The following DOCK10 variants were observed in gnomAD, a reference collection of about 807,000 sequenced individuals.
The protein encoded by DOCK10 is dedicator of cytokinesis protein 10.
In DOCK10, 145 loss-of-function variants were observed where a neutral mutation model predicts 280.1. That is an observed-to-expected ratio of 0.52 (90% CI 0.45 to 0.59). The LOEUF (loss-of-function observed/expected upper bound fraction) is 0.59. Ranked by LOEUF, DOCK10 falls within the 20% of genes least tolerant of loss-of-function variation. The pLI is 0.00. For synonymous variants in DOCK10, 915 were observed against 942.2 expected, an observed-to-expected ratio of 0.97 and a Z score of 0.53; for missense variants, 2,368 against 2,651.7, an observed-to-expected ratio of 0.89 and a Z score of 2.35.
At position 224,774,906 on chromosome 2, in the gene DOCK10, T is replaced by G. The variant is rs1437421803; in HGVS notation, c.6012A>C (p.Thr2004=). Reference sequence around the variant, plus strand: ...TGTGGCCCGGCTACCTGCACCTACTTGTCAGGATCGTCCGCCGCTTGCACT... The same window carrying G: ...TGTGGCCCGGCTACCTGCACCTACTGGTCAGGATCGTCCGCCGCTTGCACT... ...AEQCKRRTIL[T]TSHLFPYVKK... Residue 2004 remains threonine (T), a splice_region_variant and synonymous_variant, in exon 52 of 56, where the codon ACA becomes ACC. Transcript: ENST00000258390. 1 of 1,586,336 alleles carries G rather than the reference T, an allele frequency of 6.3e-7. No homozygotes were observed. Among genetic ancestry groups the G allele is most frequent in the African/African-American group, 1.3e-5 (1 of 74,372 alleles).
At position 224,787,050 on chromosome 2, in the gene DOCK10, C is replaced by T. The variant is rs767134753; in HGVS notation, c.5627G>A (p.Arg1876His). Reference sequence around the variant, plus strand: ...CCCATAAAATGCCACACGATAGTAGCGACCAAACAGCCGCTTCTCCGAATT... The same window carrying T: ...CCCATAAAATGCCACACGATAGTAGTGACCAAACAGCCGCTTCTCCGAATT... The part of the protein sequence containing the change: ...VVNSEKRLFG[R>H]YYRVAFYGQG... Residue 1876 changes from arginine to histidine, a missense_variant, in exon 50 of 56, where the codon CGC becomes CAC. Arg to His is a conservative substitution (Grantham distance 29). Transcript: ENST00000258390. 1.6e-5 allele frequency: 26 copies of T among 1,613,828 alleles called. No individual in the cohort carries two copies. The highest frequency in any genetic ancestry group is 3.3e-5 in the Admixed American group (2 of 59,998).
chr2:224,961,441 T>TC (rs1553623667), intron 1 of DOCK10, among the ~76,000 whole-genome samples: 1 of 131,216 alleles, frequency 7.6e-6, no homozygotes, highest in Non-Finnish European at 1.6e-5. Flanking sequence ...TTTCTTTCTT[T>TC]CTTTCTTTCT....
intron 1 of DOCK10, among the ~76,000 whole-genome samples, chr2:224,969,823 C>T (rs16866399): frequency 0.088 from 13,372 of 152,160 alleles, 1,912 homozygotes; most frequent in African/African-American, 0.3. Flanking sequence ...TTTAGAGTGA[C>T]AGAAAAGCAG....
At chr2:225,017,650 G>A (rs1375382772) in intron 1 of DOCK10, among the ~76,000 whole-genome samples, 1 of 149,004 alleles carries the variant, frequency 6.7e-6, no homozygotes, top group Non-Finnish European at 1.5e-5. Flanking sequence ...AAAAAAAAAT[G>A]TGGATAGAAC....
chr2:225,040,904 CGCTGATAGCAGTACCACATGCT>C (rs1404911497), intron 1 of DOCK10, among the ~76,000 whole-genome samples: 1 of 152,148 alleles, frequency 6.6e-6, no homozygotes, highest in African/African-American at 2.4e-5. Flanking sequence ...AAAATGTGCA[CGCTGATAGCAGTACCACATGCT>C]GTCCCTGGCA....
At chr2:224,856,109 G>A (rs139124833) in intron 15 of DOCK10, among the ~76,000 whole-genome samples, 4 of 152,248 alleles carry the variant, frequency 2.6e-5, no homozygotes, top group East Asian at 1.9e-4. Context: ...GTAGAAGTCC[G>A]TTGTTTCCTT....
At chr2:224,975,086 T>G (rs1705355438) in intron 1 of DOCK10, among the ~76,000 whole-genome samples, 1 of 151,956 alleles carries the variant, frequency 6.6e-6, no homozygotes, top group South Asian at 2.1e-4. Flanking sequence ...TCTAATCATT[T>G]CTAAATTTGG....
At chr2:225,021,990 A>T (rs957271826) in intron 1 of DOCK10, among the ~76,000 whole-genome samples, 2 of 152,334 alleles carry the variant, frequency 1.3e-5, no homozygotes, top group East Asian at 3.9e-4. Context: ...ACTTCTGGAG[A>T]AATTGCTTTT....
chr2:224,860,644 C>T (rs1697443462), intron 14 of DOCK10: 1 of 151,862 alleles, frequency 6.6e-6, no homozygotes, highest in South Asian at 2.1e-4. Flanking sequence ...TTCATTGCAA[C>T]TTCCAGCTTC....
At chr2:224,848,656 C>A (rs1696524116) in intron 19 of DOCK10, among the ~76,000 whole-genome samples, 2 of 152,162 alleles carry the variant, frequency 1.3e-5, no homozygotes, top group Admixed American at 1.3e-4. Flanking sequence ...ATGATGTGTG[C>A]ATGGAATTTA....
intron 14 of DOCK10, 48 bp downstream of exon 14, chr2:224,862,616 C>A (rs771890557): frequency 6.7e-7 from 1 of 1,486,892 alleles, no homozygotes; most frequent in Non-Finnish European, 9.4e-7. Context: ...GCTTCCAATG[C>A]CACCATTAAA....
rs754278784 is a variant in DOCK10, at chr2:224,765,775, G to A, written c.6507C>T (p.Ser2169=). The change falls in exon 56 of 56, where the codon AGC becomes AGT. Residue 2169 remains serine (S), a synonymous_variant. Transcript: ENST00000258390. ...CCGTGGGTAGGGCCGGAGTTGCTTT[G>A]CTAATTACTCGAGTGCAGGTTTGGT... ...GVDQTCTRVI[S]KATPALPTVS... is the part of the protein sequence containing the mutation. The A allele has an allele frequency of 6.2e-7, 1 of 1,613,882 alleles. No homozygotes were observed. The highest frequency in any genetic ancestry group is 1.3e-5 in the African/African-American group (1 of 75,006).
At chr2:224,974,741 G>C (rs1236122755) in intron 1 of DOCK10, among the ~76,000 whole-genome samples, 1 of 120,692 alleles carries the variant, frequency 8.3e-6, no homozygotes, top group African/African-American at 2.6e-5. Context: ...CATCTCCACA[G>C]TATGATTTCC....
intron 23 of DOCK10, 178 bp from the exon 24 acceptor site, chr2:224,840,250 G>A: frequency 2.0e-6 from 1 of 496,492 alleles, no homozygotes; most frequent in Non-Finnish European, 3.6e-6. Context: ...AGTGAAAACA[G>A]ACAAATGGCA....
At chr2:224,850,350 C>A (rs940921389) in intron 18 of DOCK10, among the ~76,000 whole-genome samples, 6 of 152,090 alleles carry the variant, frequency 3.9e-5, no homozygotes, top group Non-Finnish European at 7.3e-5. Flanking sequence ...ATCCCAAATA[C>A]ACTGTTGAAG....
At chr2:224,845,419 C>A in intron 20 of DOCK10, 95 bp from the exon 21 acceptor site, 1 of 1,536,088 alleles carries the variant, frequency 6.5e-7, no homozygotes, top group Non-Finnish European at 8.8e-7. Flanking sequence ...CACTAAATTT[C>A]ATGAAAAATA....
Position 224,872,235 on chromosome 2 carries a change from A to G in DOCK10, c.1257+1761T>C, listed in dbSNP as rs964887880. 2.0e-5 allele frequency among the ~76,000 whole-genome samples: 3 copies of G among 152,274 alleles called. No individual in the cohort carries two copies. In the East Asian group the frequency reaches 5.8e-4, roughly 29 times the overall value. ...TTGCATGCAGTTTTGATAAATTTCAATGCAATTTCTCACATATTTAGATGA... is the reference window on the plus strand; with the variant it reads ...TTGCATGCAGTTTTGATAAATTTCAGTGCAATTTCTCACATATTTAGATGA... On this transcript the variant is annotated intron_variant, in intron 11 of 55. Transcript: ENST00000258390.
intron 2 of DOCK10, among the ~76,000 whole-genome samples, chr2:224,925,995 G>T (rs1702026231): frequency 6.6e-6 from 1 of 151,594 alleles, no homozygotes. Flanking sequence ...TTTATTTTTT[G>T]TTTTGTTTTA....
At chr2:224,893,611 C>A (rs548405339) in intron 4 of DOCK10, 12 of 447,164 alleles carry the variant, frequency 2.7e-5, no homozygotes, top group Non-Finnish European at 5.0e-5. Flanking sequence ...CCATTCTAGC[C>A]TGAAGTCATC....
Sources: gnomAD v4.1 joint callset for allele counts (sites outside exome capture counted in the v4.1 genomes callset) on GRCh38, gnomAD v4.1.1 for gene constraint, MANE v1.5 for transcripts, NCBI Gene and HGNC (gene_info 2026-07-23, HGNC 2026-07-21) for gene names.